The following KHDRBS1 variants were observed in gnomAD, a reference collection of about 807,000 sequenced individuals.
KHDRBS1 encodes the protein KH domain-containing, RNA-binding, signal transduction-associated protein 1.
A neutral mutation model predicts 48.4 loss-of-function variants in KHDRBS1; 7 were observed. That is an observed-to-expected ratio of 0.14 (90% confidence interval 0.08 to 0.27). The LOEUF is 0.27. Ranked by LOEUF, KHDRBS1 falls within the 10% of genes least tolerant of loss-of-function variation. KHDRBS1 has a pLI of 1.00. For missense variants in KHDRBS1, 458 were observed against 601.2 expected, an observed-to-expected ratio of 0.76 and a Z score of 2.49; for synonymous variants, 241 against 235.8, an observed-to-expected ratio of 1.02 and a Z score of -0.20.
At chr1:32,016,761 AT>A (rs1638748343) in intron 1 of KHDRBS1, among the ~76,000 whole-genome samples, 1 of 151,968 alleles carries the variant, frequency 6.6e-6, no homozygotes, top group Non-Finnish European at 1.5e-5. Context: ...GTTGCACTAT[AT>A]TGTCGTTATG....
chr1:32,052,959 G>A (rs1461416553), intron 10 of KHDRBS1, among the ~76,000 whole-genome samples: 2 of 151,914 alleles, frequency 1.3e-5, no homozygotes, highest in African/African-American at 4.8e-5. Flanking sequence ...GACTAGCCTG[G>A]GCAACATAGT....
At chr1:32,041,182 A>T (rs1047472205) in intron 8 of KHDRBS1, among the ~76,000 whole-genome samples, 2 of 152,188 alleles carry the variant, frequency 1.3e-5, no homozygotes, top group Non-Finnish European at 2.9e-5. Context: ...ACTGTCCAGG[A>T]TGATCTGTAT....
intron 1 of KHDRBS1, among the ~76,000 whole-genome samples, chr1:32,029,823 G>A (rs1639048046): frequency 6.6e-6 from 1 of 152,182 alleles, no homozygotes; most frequent in Non-Finnish European, 1.5e-5. Flanking sequence ...GAGTAGCAGA[G>A]TAAGAATAAG....
At chr1:32,024,670 A>G (rs1023726944) in intron 1 of KHDRBS1, among the ~76,000 whole-genome samples, 4 of 151,990 alleles carry the variant, frequency 2.6e-5, no homozygotes, top group Admixed American at 2.0e-4. Context: ...TAACAATTTT[A>G]TGACCTAGAG....
In KHDRBS1 at chr1:32,049,769, C is replaced by G. The variant is rs1300891432; in HGVS notation, n.1301+4379C>G. On this transcript the variant is annotated intron_variant and non_coding_transcript_variant, in intron 10 of 10. Transcript: ENST00000484270. ...CTCCGCCTCCTGGGTTCAAGTGATTCTCCTGCCTCAGCCTCCCAAGCAGCT... is the reference window on the plus strand; with the variant it reads ...CTCCGCCTCCTGGGTTCAAGTGATTGTCCTGCCTCAGCCTCCCAAGCAGCT... Among the ~76,000 whole-genome samples the G allele has an allele frequency of 2.0e-5, 3 of 151,766 alleles. No individual in the cohort carries two copies. In the East Asian group the frequency reaches 5.8e-4, roughly 29 times the overall value.
intron 10 of KHDRBS1, among the ~76,000 whole-genome samples, chr1:32,051,850 A>G (rs1639426394): frequency 6.6e-6 from 1 of 152,216 alleles, no homozygotes; most frequent in African/African-American, 2.4e-5. Flanking sequence ...CTTTGTGGCC[A>G]CCAAAAATGT....
chr1:32,036,809 CTCAAGAGCTCTTCTTAGAAT>C (rs1441598487), intron 4 of KHDRBS1, 81 bp from the exon 5 acceptor site: 12 of 1,325,962 alleles, frequency 9.1e-6, no homozygotes, highest in Middle Eastern at 2.3e-4. Context: ...CATCTGGGCT[CTCAAGAGCTCTTCTTAGAAT>C]TCAAGTCTCC....
intron 4 of KHDRBS1, 92 bp downstream of exon 4, chr1:32,033,426 C>A: frequency 6.5e-7 from 1 of 1,526,772 alleles, no homozygotes; most frequent in South Asian, 1.2e-5. Context: ...AAGGTCTCTG[C>A]ATAACCTGTA....
chr1:32,023,481 T>C (rs72876675), intron 1 of KHDRBS1, among the ~76,000 whole-genome samples: 1 of 152,164 alleles, frequency 6.6e-6, no homozygotes, highest in Non-Finnish European at 1.5e-5. Flanking sequence ...GGATAAGATA[T>C]GATTATTCTG....
intron 3 of KHDRBS1, among the ~76,000 whole-genome samples, chr1:32,032,835 G>A (rs1030284258): frequency 6.6e-6 from 1 of 151,992 alleles, no homozygotes; most frequent in African/African-American, 2.4e-5. Flanking sequence ...GATTACAGGC[G>A]TGCGCCACCA....
Position 32,013,885 on chromosome 1 carries a change from G to C in KHDRBS1, c.-111G>C, listed in dbSNP as rs982518354. The C allele has an allele frequency of 4.7e-6, 5 of 1,059,398 alleles. No individual in the cohort carries two copies. The highest frequency in any genetic ancestry group is 3.3e-5 in the African/African-American group (2 of 59,996). The allele number at this position is 1,059,398 out of a possible 1,614,324, so 65.6% of individuals were successfully genotyped here. A position where few individuals can be genotyped will look rare whatever the true frequency, so the allele number is the denominator to read the frequency against. On this transcript the variant is annotated 5_prime_UTR_variant, in exon 1 of 9. Coordinates refer to ENST00000327300, the MANE Select transcript of KHDRBS1 (RefSeq NM_006559.3). ...GGTGCTCTCTCTCGCTGGGTCGCTC[G>C]GGTCGGCTTCGGTCGCTACCGCTCC...
chr1:32,022,833 T>C (rs1310869386), intron 1 of KHDRBS1, among the ~76,000 whole-genome samples: 2 of 151,638 alleles, frequency 1.3e-5, no homozygotes. Flanking sequence ...GAGGTTGCAG[T>C]GAGCCAAAAT....
intron 1 of KHDRBS1, among the ~76,000 whole-genome samples, chr1:32,027,523 T>G (rs1638999352): frequency 6.6e-6 from 1 of 152,174 alleles, no homozygotes; most frequent in Admixed American, 6.5e-5. Flanking sequence ...TAAGGTCAAA[T>G]TTGTTTTCTA....
At chr1:32,053,909 C>A (rs566081963) in intron 10 of KHDRBS1, among the ~76,000 whole-genome samples, 17 of 152,116 alleles carry the variant, frequency 1.1e-4, no homozygotes, top group Admixed American at 7.2e-4. Flanking sequence ...ATGGAGAAAC[C>A]CCGTCTCTAC....
intron 1 of KHDRBS1, among the ~76,000 whole-genome samples, chr1:32,018,486 T>C (rs560638658): frequency 2.9e-4 from 43 of 147,470 alleles, no homozygotes; most frequent in Non-Finnish European, 5.4e-4. Context: ...CCGGGTGCGG[T>C]GGCTCACGCC....
rs1345112041 is a variant in KHDRBS1 at position 32,042,653 on chromosome 1, A to G, written c.*29A>G. 3 of 1,364,834 alleles carry G rather than the reference A, an allele frequency of 2.2e-6. No individual in the cohort carries two copies. Among genetic ancestry groups the G allele is most frequent in the Admixed American group, 1.7e-5 (1 of 59,078 alleles). 84.5% of individuals were successfully genotyped at this position (1,364,834 alleles called of 1,614,324 possible). A position where few individuals can be genotyped will look rare whatever the true frequency, so the allele number is the denominator to read the frequency against. Reference sequence around the variant, plus strand: ...CAAACATGAGGGGAAAATATCAGTTATGAGCAAAGTTGTTACTGATTTCTT... The same window carrying G: ...CAAACATGAGGGGAAAATATCAGTTGTGAGCAAAGTTGTTACTGATTTCTT... On this transcript the variant is annotated 3_prime_UTR_variant, in exon 9 of 9. Transcript: ENST00000327300.
chr1:32,036,839 C>T, intron 4 of KHDRBS1, 71 bp from the exon 5 acceptor site: 2 of 1,502,640 alleles, frequency 1.3e-6, no homozygotes, highest in Non-Finnish European at 1.8e-6. Context: ...TTCAAGTCTC[C>T]CGTGGACCAG....
intron 4 of KHDRBS1, among the ~76,000 whole-genome samples, chr1:32,035,484 GA>G (rs1639161189): frequency 6.6e-6 from 1 of 152,356 alleles, no homozygotes; most frequent in Middle Eastern, 3.4e-3. Flanking sequence ...TAGGAAGTGT[GA>G]AAAGATTTGC....
chr1:32,058,695 C>T (rs748156028), intron 10 of KHDRBS1, among the ~76,000 whole-genome samples: 10 of 152,110 alleles, frequency 6.6e-5, no homozygotes, highest in East Asian at 3.9e-4. Flanking sequence ...CCCAGCTGCT[C>T]GGGAGGTGGA....
Sources: allele counts gnomAD v4.1 joint callset (sites outside exome capture counted in the v4.1 genomes callset), GRCh38; gene constraint gnomAD v4.1.1; transcripts MANE v1.5; gene names NCBI Gene and HGNC (gene_info 2026-07-23, HGNC 2026-07-21).